SH3GL2: variants seen among roughly 807,000 people sequenced by gnomAD.
The protein encoded by SH3GL2 is endophilin-A1.
Under a neutral mutation model 46.0 loss-of-function variants are expected in SH3GL2, and 24 were observed. The ratio of observed to expected loss-of-function variants is 0.52; its 90% CI spans 0.38 to 0.73. SH3GL2 has a LOEUF of 0.73. Ranked by LOEUF, SH3GL2 falls within the 30% of genes least tolerant of loss-of-function variation. SH3GL2 has a pLI of 0.00. For missense variants in SH3GL2, 413 were observed against 424.2 expected (o/e 0.97, Z 0.23); for synonymous variants, 196 against 147.1 (o/e 1.33, Z -2.40).
intron 1 of SH3GL2, among the ~76,000 whole-genome samples, chr9:17,644,235 TATTA>T (rs1819752669): frequency 6.6e-6 from 1 of 152,168 alleles, no homozygotes; most frequent in Admixed American, 6.6e-5. Context: ...TTTTCTTCTT[TATTA>T]GTCTGGCTAG....
chr9:17,795,569 C>G lies in SH3GL2; in HGVS notation c.885C>G (p.Cys295Trp). 6.2e-7 allele frequency: 1 copy of G among 1,614,000 alleles called. No individual in the cohort carries two copies. The change falls in exon 9 of 9, where the codon TGC (cysteine) becomes TGG (tryptophan). Residue 295 changes from cysteine (C) to tryptophan (W), a missense_variant. Around this residue, in one of 3 missense-constraint regions of SH3GL2, gnomAD observed 248 missense variants for 215.0 expected, o/e 1.15. Coordinates refer to ENST00000380607, the MANE Select transcript of SH3GL2 (RefSeq NM_003026.5). ...PSGVQMDQPC[C>W]RALYDFEPEN... is the part of the protein sequence containing the mutation. The stretch of plus-strand genomic sequence containing the variant: ...GTGTCCAAATGGATCAGCCCTGCTG[C>G]CGAGCTCTGTACGACTTTGAACCTG...
At chr9:17,653,214 T>C (rs79667185) in intron 1 of SH3GL2, among the ~76,000 whole-genome samples, 10,493 of 152,234 alleles carry the variant, frequency 0.069, 585 homozygotes, top group African/African-American at 0.15. Context: ...TTATTATAAC[T>C]GTTTTGTGTC....
At chr9:17,663,316 T>C (rs1310183016) in intron 1 of SH3GL2, among the ~76,000 whole-genome samples, 1 of 152,170 alleles carries the variant, frequency 6.6e-6, no homozygotes, top group South Asian at 2.1e-4. Flanking sequence ...TATCCTTCAG[T>C]TTTTTTGTAT....
chr9:17,743,830 GA>G (rs1312441560), intron 1 of SH3GL2, among the ~76,000 whole-genome samples: 3 of 152,184 alleles, frequency 2.0e-5, no homozygotes, highest in African/African-American at 7.2e-5. Context: ...TTTGATAAGG[GA>G]AATGGTTTAT....
intron 1 of SH3GL2, among the ~76,000 whole-genome samples, chr9:17,617,287 G>C (rs985233110): frequency 3.9e-5 from 6 of 152,134 alleles, no homozygotes; most frequent in Non-Finnish European, 8.8e-5. Context: ...CATATATGTA[G>C]GTTTGTTAAG....
chr9:17,705,968 T>C lies in SH3GL2; in HGVS notation c.46-41098T>C, dbSNP rs575428778. Among the ~76,000 whole-genome samples the C allele has an allele frequency of 2.6e-5, 4 of 152,156 alleles. No individual in the cohort carries two copies. In the South Asian group the frequency reaches 8.3e-4, roughly 32 times the overall value. On this transcript the variant is annotated intron_variant, in intron 1 of 8. Transcript: ENST00000380607. ...AAAATAAAAATGAAGAACTTGGTAG[T>C]TCCATCCAATTTGTTTTAAAAAATG... is the stretch of plus-strand genomic sequence containing the variant.
chr9:17,618,263 CA>C (rs3837231), intron 1 of SH3GL2, among the ~76,000 whole-genome samples: 4,703 of 152,010 alleles, frequency 0.031, 71 homozygotes, highest in African/African-American at 0.045. Flanking sequence ...ATGCACAGGA[CA>C]AAAAAATACC....
intron 1 of SH3GL2, among the ~76,000 whole-genome samples, chr9:17,736,410 G>T (rs1452247193): frequency 6.6e-6 from 1 of 152,006 alleles, no homozygotes; most frequent in Admixed American, 6.6e-5. Flanking sequence ...TGATTTTTCT[G>T]TCTGGGGTGT....
intron 1 of SH3GL2, among the ~76,000 whole-genome samples, chr9:17,611,130 G>A (rs1482102378): frequency 1.3e-5 from 2 of 152,054 alleles, no homozygotes; most frequent in East Asian, 1.9e-4. Flanking sequence ...TAGAGTAGAC[G>A]TCATACAATA....
chr9:17,768,295 T>C (rs1038529627), intron 3 of SH3GL2, among the ~76,000 whole-genome samples: 1 of 135,570 alleles, frequency 7.4e-6, no homozygotes, highest in African/African-American at 2.9e-5. Context: ...GGCATGAACC[T>C]GGGAGGCGGA....
intron 3 of SH3GL2, among the ~76,000 whole-genome samples, chr9:17,776,480 T>C (rs1411860913): frequency 1.3e-5 from 2 of 152,014 alleles, no homozygotes; most frequent in African/African-American, 4.8e-5. Context: ...TGTCACAACC[T>C]CAACAACCTC....
rs1167432144 is a variant in SH3GL2 at position 17,679,823 on chromosome 9, G to C, written c.46-67243G>C. 2.6e-5 allele frequency among the ~76,000 whole-genome samples: 4 copies of C among 152,244 alleles called. 1 individual carries two copies. The highest frequency in any genetic ancestry group is 9.6e-5 in the African/African-American group (4 of 41,534). ...GTCCCATCAATACCTAATTTATTGA[G>C]AGTTTTTAGCATGAAGGGCTGTTGA... On this transcript the variant is annotated intron_variant, in intron 1 of 8. Coordinates refer to ENST00000380607, the MANE Select transcript of SH3GL2 (RefSeq NM_003026.5).
chr9:17,786,391 T>G lies in SH3GL2; in HGVS notation c.198T>G (p.Ala66=). The G allele has an allele frequency of 6.2e-7, 1 of 1,610,720 alleles. No homozygotes were observed. Among genetic ancestry groups the G allele is most frequent in the Non-Finnish European group, 8.5e-7 (1 of 1,178,960 alleles). Residue 66 remains alanine, a synonymous_variant, in exon 4 of 9, where the codon GCT becomes GCG. Transcript: ENST00000380607. ...TCTCTTCACCTTCAGCTTCCAGAGC[T>G]AAGCTCAGCATGATCAACACCATGT... ...EYLQPNPASR[A]KLSMINTMSK...
chr9:17,759,956 C>A (rs988055252), intron 2 of SH3GL2, among the ~76,000 whole-genome samples: 2 of 152,110 alleles, frequency 1.3e-5, no homozygotes, highest in African/African-American at 4.8e-5. Flanking sequence ...CCATACACAC[C>A]TTTGATCCAT....
intron 1 of SH3GL2, among the ~76,000 whole-genome samples, chr9:17,722,136 CATACCCAGAAAGTGGCAGGATTG>C (rs1821910674): frequency 6.6e-6 from 1 of 152,094 alleles, no homozygotes; most frequent in South Asian, 2.1e-4. Flanking sequence ...CCCAAAGTGA[CATACCCAGAAAGTGGCAGGATTG>C]ATACCCAGGA....
intron 3 of SH3GL2, among the ~76,000 whole-genome samples, chr9:17,769,439 G>A (rs1337870451): frequency 6.6e-6 from 1 of 152,096 alleles, no homozygotes; most frequent in Non-Finnish European, 1.5e-5. Flanking sequence ...CATTAAAGAT[G>A]TAATTCACAT....
chr9:17,769,008 G>A lies in SH3GL2; in HGVS notation c.187+7499G>A, dbSNP rs1823397303. Among the ~76,000 whole-genome samples the A allele has an allele frequency of 2.6e-5, 4 of 152,104 alleles. 1 individual carries two copies. The South Asian group carries it at 8.3e-4, about 32-fold the overall frequency. ...CTTCCTCAAACACACAGGCACTATT[G>A]TTCATGGGGCCTGGCCAGCCCCTTT... On this transcript the variant is annotated intron_variant, in intron 3 of 8. Coordinates refer to ENST00000380607, the MANE Select transcript of SH3GL2 (RefSeq NM_003026.5).
chr9:17,746,166 G>C (rs5014598), intron 1 of SH3GL2, among the ~76,000 whole-genome samples: 17,063 of 152,000 alleles, frequency 0.11, 1,154 homozygotes, highest in Admixed American at 0.23. Context: ...GCTCCGCCCC[G>C]CTGTGTTCAC....
chr9:17,775,250 A>G (rs1256475000), intron 3 of SH3GL2, among the ~76,000 whole-genome samples: 3 of 151,988 alleles, frequency 2.0e-5, no homozygotes, highest in African/African-American at 4.8e-5. Flanking sequence ...AATTTTTTCC[A>G]TCAATTAAAG....
Sources: allele counts gnomAD v4.1 joint callset (sites outside exome capture counted in the v4.1 genomes callset), GRCh38; gene constraint gnomAD v4.1.1; regional missense constraint gnomAD v4.1.1; transcripts MANE v1.5; gene names NCBI Gene and HGNC (gene_info 2026-07-23, HGNC 2026-07-21).